Variants in PLD5 observed in about 807,000 individuals in gnomAD.
The protein encoded by PLD5 is inactive phospholipase D5.
In PLD5, 36 loss-of-function variants were observed where a neutral mutation model predicts 61.1. The observed-to-expected ratio is 0.59, with a 90% CI of 0.45 to 0.78. PLD5 has a LOEUF of 0.78. Ranked by LOEUF, PLD5 falls within the 30% of genes least tolerant of loss-of-function variation. The probability of loss-of-function intolerance (pLI) is 0.00; values close to 1 mark genes in which losing one functional copy is unlikely to be tolerated. For synonymous variants in PLD5, 243 were observed against 242.8 expected, an observed-to-expected ratio of 1.00 and a Z score of -0.01; for missense variants, 515 against 644.4, an observed-to-expected ratio of 0.80 and a Z score of 2.17.
chr1:242,455,236 T>C (rs1002575348), intron 1 of PLD5, among the ~76,000 whole-genome samples: 9 of 152,212 alleles, frequency 5.9e-5, no homozygotes, highest in African/African-American at 1.9e-4. Context: ...AAAGGCTTTA[T>C]TTAGATGAAG....
chr1:242,323,967 A>G (rs1658587533), intron 2 of PLD5, among the ~76,000 whole-genome samples: 1 of 152,122 alleles, frequency 6.6e-6, no homozygotes, highest in Admixed American at 6.6e-5. Context: ...AAATCATTAT[A>G]TTTTCAAAAA....
chr1:242,114,595 G>A (rs1350009232), intron 6 of PLD5, among the ~76,000 whole-genome samples: 1 of 152,344 alleles, frequency 6.6e-6, no homozygotes, highest in Non-Finnish European at 1.5e-5. Flanking sequence ...TGTATTTACA[G>A]CCGCTCCCCC....
chr1:242,313,815 C>CATTGGTG (rs1558455457), intron 2 of PLD5, among the ~76,000 whole-genome samples: 1 of 151,624 alleles, frequency 6.6e-6, no homozygotes, highest in Non-Finnish European at 1.5e-5. Flanking sequence ...CTTCATTGAT[C>CATTGGTG]TTGCACTAGG....
intron 7 of PLD5, among the ~76,000 whole-genome samples, chr1:242,112,153 A>G (rs1043766614): frequency 1.3e-5 from 2 of 152,146 alleles, no homozygotes. Context: ...AAACGTTCCC[A>G]AAGTAGAGGT....
In PLD5 at chr1:242,478,883, T is replaced by C. The variant is rs539974741; in HGVS notation, c.189+45205A>G. 4.6e-5 allele frequency among the ~76,000 whole-genome samples: 7 copies of C among 152,306 alleles called. 1 individual carries two copies. The East Asian group carries it at 1.3e-3, about 29-fold the overall frequency. On this transcript the variant is annotated intron_variant, in intron 1 of 9. Transcript: ENST00000536534. Reference sequence around the variant, plus strand: ...ATTCAAACTCATGAAAACAACCTAATAGTCTGATAATAAAGAATTGAATAG... The same window carrying C: ...ATTCAAACTCATGAAAACAACCTAACAGTCTGATAATAAAGAATTGAATAG...
chr1:242,414,698 T>C (rs953708019), intron 1 of PLD5, among the ~76,000 whole-genome samples: 2 of 152,202 alleles, frequency 1.3e-5, no homozygotes, highest in Non-Finnish European at 2.9e-5. Context: ...AAAATGTGTG[T>C]GAATCACTTT....
chr1:242,449,922 A>T (rs888730928), intron 1 of PLD5, among the ~76,000 whole-genome samples: 10 of 152,242 alleles, frequency 6.6e-5, no homozygotes. Flanking sequence ...TGCTAAGTCC[A>T]GACTAAATCC....
intron 2 of PLD5, among the ~76,000 whole-genome samples, chr1:242,322,591 G>C (rs889562129): frequency 6.6e-6 from 1 of 152,198 alleles, no homozygotes; most frequent in Non-Finnish European, 1.5e-5. Flanking sequence ...CCACTTGTCA[G>C]AGGTCTGGTG....
At chr1:242,293,906 T>C (rs1675509358) in intron 2 of PLD5, among the ~76,000 whole-genome samples, 1 of 152,224 alleles carries the variant, frequency 6.6e-6, no homozygotes, top group Non-Finnish European at 1.5e-5. Flanking sequence ...CTTATTTCTG[T>C]GACCTATAGT....
intron 1 of PLD5, among the ~76,000 whole-genome samples, chr1:242,401,758 C>T (rs949134138): frequency 1.1e-4 from 16 of 152,318 alleles, no homozygotes; most frequent in Middle Eastern, 6.8e-3. Context: ...TCCCTGCACT[C>T]TCTGCCCCTG....
rs373774278 is a variant in PLD5 at position 242,378,903 on chromosome 1, C to A, written c.190-30661G>T. On this transcript the variant is annotated intron_variant, in intron 1 of 9. Transcript: ENST00000536534. ...AGAGAGAAGAAAAAAGGAAAACAACCAACAACTGGAAGGTTTGAACTTTAT... is the reference window on the plus strand; with the variant it reads ...AGAGAGAAGAAAAAAGGAAAACAACAAACAACTGGAAGGTTTGAACTTTAT... Among the ~76,000 whole-genome samples, 31 of 151,996 alleles carry A rather than the reference C, an allele frequency of 2.0e-4. No homozygotes were observed. The East Asian group carries it at 4.3e-3, about 21-fold the overall frequency.
intron 5 of PLD5, among the ~76,000 whole-genome samples, chr1:242,201,780 G>A (rs1301326608): frequency 6.6e-6 from 1 of 152,046 alleles, no homozygotes; most frequent in Non-Finnish European, 1.5e-5. Context: ...AACTTCCATG[G>A]TTTAAAGTGG....
At chr1:242,132,086 C>A (rs1032083274) in intron 5 of PLD5, among the ~76,000 whole-genome samples, 2 of 150,928 alleles carry the variant, frequency 1.3e-5, no homozygotes, top group Non-Finnish European at 1.5e-5. Context: ...CCACCTCAGC[C>A]TCCTAAAGTG....
chr1:242,269,018 T>A (rs1415971395), intron 3 of PLD5, among the ~76,000 whole-genome samples: 1 of 152,074 alleles, frequency 6.6e-6, no homozygotes, highest in African/African-American at 2.4e-5. Context: ...AATTTTTGTA[T>A]TTTTAGTAGA....
chr1:242,432,884 A>G (rs1408875697), intron 1 of PLD5, among the ~76,000 whole-genome samples: 1 of 152,196 alleles, frequency 6.6e-6, no homozygotes, highest in African/African-American at 2.4e-5. Context: ...TTAAAATGAG[A>G]CCAAGAGATA....
intron 5 of PLD5, among the ~76,000 whole-genome samples, chr1:242,197,702 T>A (rs1013707316): frequency 2.0e-5 from 3 of 151,356 alleles, no homozygotes; most frequent in African/African-American, 7.3e-5. Context: ...TGATGCGATC[T>A]CAGCTCACTG....
intron 5 of PLD5, among the ~76,000 whole-genome samples, chr1:242,183,300 T>C (rs1667639109): frequency 6.6e-6 from 1 of 152,114 alleles, no homozygotes; most frequent in African/African-American, 2.4e-5. Flanking sequence ...ATTTGTAATG[T>C]TATCCAATGA....
intron 5 of PLD5, among the ~76,000 whole-genome samples, chr1:242,208,796 G>A (rs1669608362): frequency 1.3e-5 from 2 of 152,014 alleles, no homozygotes; most frequent in Middle Eastern, 6.8e-3. Context: ...CCAAGAGATG[G>A]CCTGTTTTCA....
At chr1:242,347,869 A>T (rs998289746) in intron 2 of PLD5, among the ~76,000 whole-genome samples, 3 of 152,066 alleles carry the variant, frequency 2.0e-5, no homozygotes, top group South Asian at 2.1e-4. Flanking sequence ...TGTTAGAAAA[A>T]TTTTTTTGTT....
Sources: allele counts gnomAD v4.1 joint callset (sites outside exome capture counted in the v4.1 genomes callset), GRCh38; gene constraint gnomAD v4.1.1; transcripts MANE v1.5; gene names NCBI Gene and HGNC (gene_info 2026-07-23, HGNC 2026-07-21).